The following RASAL2 variants were observed in gnomAD, a reference collection of about 807,000 sequenced individuals.
The protein encoded by RASAL2 is RAS protein activator like 2, also known as ras GTPase-activating protein nGAP.
A neutral mutation model predicts 128.9 loss-of-function variants in RASAL2; 58 were observed. The observed-to-expected ratio is 0.45, with a 90% CI of 0.36 to 0.56. The LOEUF is 0.56. Ranked by LOEUF, RASAL2 falls within the 20% of genes least tolerant of loss-of-function variation. RASAL2 has a pLI of 0.00. For synonymous variants in RASAL2, 561 were observed against 580.8 expected (o/e 0.97, Z 0.49); for missense variants, 1,360 against 1,601.6 (o/e 0.85, Z 2.57).
chr1:178,141,193 C>CTTTTTTTTTT lies in RASAL2; in HGVS notation c.202+46515_202+46524dup, dbSNP rs71297900. On this transcript the variant is annotated intron_variant, in intron 1 of 17. Coordinates refer to ENST00000367649, the MANE Select transcript of RASAL2 (RefSeq NM_170692.4). ...CTGGAGACCACTTTTCTTTTCTTTT[C>CTTTTTTTTTT]TTTTTTTTTTTTTTTTTTTTTTTTT... 5.9e-3 allele frequency among the ~76,000 whole-genome samples: 434 copies of CTTTTTTTTTT among 73,894 alleles called. 10 individuals are homozygous for CTTTTTTTTTT. Among genetic ancestry groups the CTTTTTTTTTT allele is most frequent in the African/African-American group, 0.012 (220 of 18,764 alleles). 48.5% of individuals were successfully genotyped at this position (73,894 alleles called of 152,430 possible). A position where few individuals can be genotyped will look rare whatever the true frequency, so the allele number is the denominator to read the frequency against.
intron 1 of RASAL2, among the ~76,000 whole-genome samples, chr1:178,272,260 C>T (rs562832805): frequency 1.6e-4 from 24 of 152,132 alleles, no homozygotes; most frequent in African/African-American, 5.5e-4. Flanking sequence ...AAAGGAGAAG[C>T]TTTATTGATA....
At chr1:178,214,135 TAATCC>T (rs1663346836) in intron 1 of RASAL2, among the ~76,000 whole-genome samples, 1 of 152,074 alleles carries the variant, frequency 6.6e-6, no homozygotes, top group African/African-American at 2.4e-5. Flanking sequence ...CTGGGCGTGG[TAATCC>T]ATGTCTGTAG....
intron 1 of RASAL2, among the ~76,000 whole-genome samples, chr1:178,244,265 A>G (rs185315498): frequency 6.6e-6 from 1 of 152,074 alleles, no homozygotes; most frequent in African/African-American, 2.4e-5. Context: ...CTTTTTGAGA[A>G]GGAGTCTCGC....
chr1:178,144,684 T>C (rs1249210783), intron 1 of RASAL2, among the ~76,000 whole-genome samples: 1 of 152,220 alleles, frequency 6.6e-6, no homozygotes, highest in African/African-American at 2.4e-5. Flanking sequence ...TGTAAACCAT[T>C]GTTTGTAAAT....
intron 1 of RASAL2, among the ~76,000 whole-genome samples, chr1:178,206,522 C>T (rs1197293734): frequency 2.0e-5 from 3 of 152,174 alleles, no homozygotes; most frequent in African/African-American, 7.2e-5. Flanking sequence ...AATATAGTTG[C>T]ATGGCTAATA....
chr1:178,332,634 C>G (rs1008048908), intron 3 of RASAL2, among the ~76,000 whole-genome samples: 5 of 141,720 alleles, frequency 3.5e-5, no homozygotes, highest in African/African-American at 1.1e-4. Context: ...TTTTTTGAGA[C>G]GGAGTCTCAC....
chr1:178,295,655 A>C (rs978596317), intron 2 of RASAL2, among the ~76,000 whole-genome samples: 1 of 152,144 alleles, frequency 6.6e-6, no homozygotes, highest in African/African-American at 2.4e-5. Flanking sequence ...CAGATTGCCA[A>C]GCTCTACCCT....
intron 1 of RASAL2, among the ~76,000 whole-genome samples, chr1:178,169,504 A>G (rs72705021): frequency 0.036 from 5,417 of 152,232 alleles, 123 homozygotes; most frequent in Non-Finnish European, 0.056. Context: ...ACCTTTGGGT[A>G]TGTCATAAGG....
intron 3 of RASAL2, among the ~76,000 whole-genome samples, chr1:178,385,739 C>G (rs1672528958): frequency 6.6e-6 from 1 of 152,156 alleles, no homozygotes; most frequent in African/African-American, 2.4e-5. Flanking sequence ...CAGTTCCTCT[C>G]AGACTTTACC....
intron 14 of RASAL2, among the ~76,000 whole-genome samples, chr1:178,463,602 G>A (rs538980326): frequency 5.3e-5 from 8 of 152,236 alleles, no homozygotes; most frequent in African/African-American, 1.9e-4. Context: ...AAGGACCCTT[G>A]AGTGATCTTA....
intron 3 of RASAL2, among the ~76,000 whole-genome samples, chr1:178,314,442 C>T (rs1260257483): frequency 3.9e-5 from 6 of 152,060 alleles, no homozygotes; most frequent in African/African-American, 7.2e-5. Context: ...TACAGATTTG[C>T]CAGTGATCTG....
chr1:178,225,464 CCTTT>C (rs1663752988), intron 1 of RASAL2, among the ~76,000 whole-genome samples: 1 of 151,626 alleles, frequency 6.6e-6, no homozygotes, highest in Non-Finnish European at 1.5e-5. Context: ...GTATATTTTA[CCTTT>C]CTATCTTGTC....
In RASAL2 at chr1:178,302,576, T is replaced by C. The variant is rs570900129; in HGVS notation, c.457+2458T>C. ...AATACAATGTCAGTTCTCTTTAAGATCAAAATTTCAATGAATTTCAAAATT... is the reference window on the plus strand; with the variant it reads ...AATACAATGTCAGTTCTCTTTAAGACCAAAATTTCAATGAATTTCAAAATT... On this transcript the variant is annotated intron_variant, in intron 3 of 17. Transcript: ENST00000367649. Among the ~76,000 whole-genome samples, 16 of 152,264 alleles carry C rather than the reference T, an allele frequency of 1.1e-4. No homozygotes were observed. In the Middle Eastern group the frequency reaches 0.014, roughly 129 times the overall value.
intron 1 of RASAL2, among the ~76,000 whole-genome samples, chr1:178,246,369 G>A (rs1353780519): frequency 6.6e-6 from 1 of 152,094 alleles, no homozygotes; most frequent in Non-Finnish European, 1.5e-5. Flanking sequence ...CTCTCTGCTT[G>A]TCTATTATTG....
chr1:178,421,875 A>G (rs1572044687), intron 5 of RASAL2, among the ~76,000 whole-genome samples: 3 of 151,780 alleles, frequency 2.0e-5, no homozygotes, highest in Admixed American at 2.0e-4. Flanking sequence ...TCTCTTTTAT[A>G]CCTCTTTGTT....
chr1:178,126,849 A>C (rs1435925943), intron 1 of RASAL2, among the ~76,000 whole-genome samples: 1 of 152,192 alleles, frequency 6.6e-6, no homozygotes, highest in Non-Finnish European at 1.5e-5. Flanking sequence ...AGGGTGTGTC[A>C]TTCATTACAT....
chr1:178,302,553 T>C (rs1031501384), intron 3 of RASAL2, among the ~76,000 whole-genome samples: 9 of 152,162 alleles, frequency 5.9e-5, no homozygotes, highest in Non-Finnish European at 1.0e-4. Flanking sequence ...GAAGACTTAA[T>C]ACAATGTCAG....
intron 1 of RASAL2, among the ~76,000 whole-genome samples, chr1:178,220,633 TA>T (rs1205624216): frequency 3.3e-5 from 5 of 152,222 alleles, no homozygotes; most frequent in South Asian, 2.1e-4. Flanking sequence ...TGCAAAGTGC[TA>T]AAAAAATGAG....
chr1:178,229,150 T>C (rs1435537677), intron 1 of RASAL2, among the ~76,000 whole-genome samples: 1 of 152,188 alleles, frequency 6.6e-6, no homozygotes. Flanking sequence ...GTTGGAAACA[T>C]TGTGACCCTC....
Sources: gnomAD v4.1 joint callset for allele counts (sites outside exome capture counted in the v4.1 genomes callset) on GRCh38, gnomAD v4.1.1 for gene constraint, MANE v1.5 for transcripts, NCBI Gene and HGNC (gene_info 2026-07-23, HGNC 2026-07-21) for gene names.